DLG2: variants seen among roughly 807,000 people sequenced by gnomAD.
The protein encoded by DLG2 is discs large MAGUK scaffold protein 2, also known as disks large homolog 2.
In DLG2, 45 loss-of-function variants were observed where a neutral mutation model predicts 132.5. The observed-to-expected ratio is 0.34, with a 90% CI of 0.27 to 0.44. The LOEUF (loss-of-function observed/expected upper bound fraction) is 0.44, where lower values mean the gene tolerates loss of function less well. DLG2 is among the 20% of genes least tolerant of loss of function. DLG2 has a pLI of 1.00. For synonymous variants in DLG2, 424 were observed against 419.6 expected (o/e 1.01, Z -0.13); for missense variants, 1,045 against 1,196.9 (o/e 0.87, Z 1.87).
At chr11:84,767,959 C>T (rs2068672422) in intron 6 of DLG2, among the ~76,000 whole-genome samples, 2 of 151,984 alleles carry the variant, frequency 1.3e-5, no homozygotes, top group African/African-American at 4.8e-5. Context: ...CAGACCTGTG[C>T]CTGCATTAAG....
At chr11:84,176,872 C>CTCTTT (rs5793113) in intron 8 of DLG2, among the ~76,000 whole-genome samples, 11 of 151,012 alleles carry the variant, frequency 7.3e-5, no homozygotes, top group Middle Eastern at 3.4e-3. Context: ...CTTGCTCTCT[C>CTCTTT]TCTTTTCTTT....
chr11:84,767,979 C>T (rs1169151179), intron 6 of DLG2, among the ~76,000 whole-genome samples: 1 of 152,056 alleles, frequency 6.6e-6, no homozygotes, highest in African/African-American at 2.4e-5. Flanking sequence ...GAAAATGATA[C>T]TGAAGTTATG....
chr11:84,147,822 C>T (rs1054464195), intron 9 of DLG2, among the ~76,000 whole-genome samples: 5 of 151,726 alleles, frequency 3.3e-5, no homozygotes, highest in Non-Finnish European at 7.4e-5. Flanking sequence ...TAATCATAGC[C>T]TAAAGTTATA....
chr11:84,750,270 G>A (rs1416748365), intron 6 of DLG2, among the ~76,000 whole-genome samples: 1 of 152,086 alleles, frequency 6.6e-6, no homozygotes, highest in Non-Finnish European at 1.5e-5. Context: ...CATCAGGTAT[G>A]TATTAAGCCC....
chr11:84,640,961 A>C (rs1250420265), intron 6 of DLG2, among the ~76,000 whole-genome samples: 2 of 147,716 alleles, frequency 1.4e-5, no homozygotes, highest in African/African-American at 2.6e-5. Context: ...ACAAAAAAAA[A>C]AAACAAAAAA....
intron 8 of DLG2, among the ~76,000 whole-genome samples, chr11:84,197,015 C>A (rs1479808408): frequency 1.8e-5 from 2 of 108,806 alleles, no homozygotes; most frequent in African/African-American, 3.6e-5. Context: ...TCAGCCTGGG[C>A]AACAGAGTGC....
intron 3 of DLG2, among the ~76,000 whole-genome samples, chr11:85,580,900 A>C (rs2078470867): frequency 6.6e-6 from 1 of 152,214 alleles, no homozygotes; most frequent in African/African-American, 2.4e-5. Flanking sequence ...GTTCTTCTCC[A>C]TTTGTCCTTA....
intron 17 of DLG2, among the ~76,000 whole-genome samples, chr11:83,799,966 T>C (rs1053218608): frequency 1.3e-5 from 2 of 152,054 alleles, no homozygotes; most frequent in African/African-American, 2.4e-5. Flanking sequence ...CATCACAGAG[T>C]TGCTGTAAGG....
At chr11:84,396,738 C>A (rs1443526897) in intron 7 of DLG2, among the ~76,000 whole-genome samples, 1 of 152,188 alleles carries the variant, frequency 6.6e-6, no homozygotes, top group Non-Finnish European at 1.5e-5. Context: ...ATCCTTAATA[C>A]CATTGGGAAA....
chr11:85,074,823 A>T (rs2066314526), intron 6 of DLG2, among the ~76,000 whole-genome samples: 1 of 151,898 alleles, frequency 6.6e-6, no homozygotes, highest in Non-Finnish European at 1.5e-5. Context: ...ATGCATGAAA[A>T]ACAGTATGTG....
intron 6 of DLG2, among the ~76,000 whole-genome samples, chr11:84,857,528 T>A (rs1019000306): frequency 5.3e-5 from 8 of 152,224 alleles, no homozygotes; most frequent in Admixed American, 2.0e-4. Flanking sequence ...AAGTATGTAA[T>A]ATACAATGGA....
rs999393497 is a variant in DLG2, at chr11:85,559,562, T to C, written c.40+39095A>G. 5.3e-5 allele frequency among the ~76,000 whole-genome samples: 8 copies of C among 151,394 alleles called. 1 individual carries two copies. Among genetic ancestry groups the C allele is most frequent in the Non-Finnish European group, 2.9e-5 (2 of 67,808 alleles). ...TGTGCTATTCTTAAATAATTAAATA[T>C]ATTAAAAATTTGTAAATATTAATAT... On this transcript the variant is annotated intron_variant, in intron 3 of 27. Coordinates refer to ENST00000376104, the MANE Select transcript of DLG2 (RefSeq NM_001142699.3).
chr11:84,514,198 C>T (rs1286636667), intron 7 of DLG2, among the ~76,000 whole-genome samples: 1 of 151,952 alleles, frequency 6.6e-6, no homozygotes, highest in African/African-American at 2.4e-5. Flanking sequence ...ATAACGAATG[C>T]TGGTGGGGAT....
intron 18 of DLG2, among the ~76,000 whole-genome samples, chr11:83,723,814 C>T (rs1434325945): frequency 6.6e-6 from 1 of 152,086 alleles, no homozygotes; most frequent in African/African-American, 2.4e-5. Context: ...CAAGATCGCA[C>T]CACTGCACTC....
At chr11:83,640,708 T>C (rs1271302597) in intron 18 of DLG2, among the ~76,000 whole-genome samples, 4 of 152,182 alleles carry the variant, frequency 2.6e-5, no homozygotes, top group Non-Finnish European at 5.9e-5. Context: ...AAAAAGAGCA[T>C]TTGGTATTTA....
chr11:84,048,200 C>T lies in DLG2; in HGVS notation c.919+11115G>A, dbSNP rs181610389. Among the ~76,000 whole-genome samples, 275 of 151,522 alleles carry T rather than the reference C, an allele frequency of 1.8e-3. 3 individuals carry two copies. The highest frequency in any genetic ancestry group is 6.1e-3 in the African/African-American group (253 of 41,394). ...ATTTGCTCTCTGGTAGACAGGAGAG[C>T]GGTAATTTAGCTACAATTTATTTCT... On this transcript the variant is annotated intron_variant, in intron 11 of 27. Coordinates refer to ENST00000376104, the MANE Select transcript of DLG2 (RefSeq NM_001142699.3).
chr11:84,188,792 A>G (rs971681792), intron 8 of DLG2, among the ~76,000 whole-genome samples: 2 of 152,104 alleles, frequency 1.3e-5, no homozygotes, highest in Non-Finnish European at 2.9e-5. Context: ...CACTAAGCAA[A>G]AAGCCTGGAC....
intron 22 of DLG2, chr11:83,480,371 C>G: frequency 6.5e-7 from 1 of 1,535,032 alleles, no homozygotes; most frequent in South Asian, 1.2e-5. Context: ...CAGTAACTTA[C>G]GGTAGCTACT....
chr11:84,934,520 G>GTTTTTTTTTTTTTTTTT (rs1277703004), intron 6 of DLG2, among the ~76,000 whole-genome samples: 1 of 39,136 alleles, frequency 2.6e-5, no homozygotes, highest in African/African-American at 1.1e-4. Context: ...TTTTTGTTTT[G>GTTTTTTTTTTTTTTTTT]TTTTGTTTTT....
Sources: gnomAD v4.1 joint callset for allele counts (sites outside exome capture counted in the v4.1 genomes callset) on GRCh38, gnomAD v4.1.1 for gene constraint, MANE v1.5 for transcripts, NCBI Gene and HGNC (gene_info 2026-07-23, HGNC 2026-07-21) for gene names.